HSPBAP1: variants seen among roughly 807,000 people sequenced by gnomAD.
The protein encoded by HSPBAP1 is HSPB1-associated protein 1.
Under a neutral mutation model 45.2 loss-of-function variants are expected in HSPBAP1, and 27 were observed. That is an observed-to-expected ratio of 0.60 (90% CI 0.44 to 0.82). The LOEUF (loss-of-function observed/expected upper bound fraction) is 0.82, where lower values mean the gene tolerates loss of function less well. HSPBAP1 is among the 40% of genes least tolerant of loss of function. The probability of loss-of-function intolerance (pLI) is 0.00; values close to 1 mark genes in which losing one functional copy is unlikely to be tolerated. For missense variants in HSPBAP1, 510 were observed against 590.9 expected, an observed-to-expected ratio of 0.86 and a Z score of 1.42; for synonymous variants, 204 against 202.7, an observed-to-expected ratio of 1.01 and a Z score of -0.06.
chr3:122,759,495 G>C, intron 3 of HSPBAP1, 135 bp from the exon 4 acceptor site: 1 of 967,234 alleles, frequency 1.0e-6, no homozygotes, highest in East Asian at 2.5e-5. Flanking sequence ...AGATGGAAGA[G>C]GTTAGGTTTC....
chr3:122,748,134 G>A (rs1933981933), intron 6 of HSPBAP1, among the ~76,000 whole-genome samples: 2 of 152,292 alleles, frequency 1.3e-5, no homozygotes, highest in South Asian at 4.1e-4. Context: ...GGGTTAAATG[G>A]ATTAAGGGTG....
At chr3:122,750,047 T>C (rs1934073144) in intron 6 of HSPBAP1, among the ~76,000 whole-genome samples, 1 of 151,376 alleles carries the variant, frequency 6.6e-6, no homozygotes, top group Admixed American at 6.6e-5. Context: ...TGATCTCGGC[T>C]CACTGCAACT....
intron 2 of HSPBAP1, among the ~76,000 whole-genome samples, chr3:122,777,021 A>G (rs1935211616): frequency 6.6e-6 from 1 of 152,194 alleles, no homozygotes; most frequent in Admixed American, 6.5e-5. Flanking sequence ...AAATGATTAT[A>G]GACTCTCTTA....
intron 1 of HSPBAP1, among the ~76,000 whole-genome samples, chr3:122,792,435 A>G (rs1226453088): frequency 6.6e-6 from 1 of 152,182 alleles, no homozygotes; most frequent in Non-Finnish European, 1.5e-5. Context: ...CAATGGAGGT[A>G]TAGATGAAGG....
intron 3 of HSPBAP1, among the ~76,000 whole-genome samples, chr3:122,763,461 TG>T (rs1303539554): frequency 9.5e-5 from 11 of 116,284 alleles, no homozygotes; most frequent in African/African-American, 2.9e-4. Flanking sequence ...AAGCTGTGTG[TG>T]TTTTTTTTTA....
intron 5 of HSPBAP1, chr3:122,754,624 C>T (rs1048098561): frequency 6.1e-6 from 6 of 984,434 alleles, no homozygotes; most frequent in Non-Finnish European, 6.0e-6. Flanking sequence ...GAGGGATAAT[C>T]GAGAGAATAA....
chr3:122,770,208 G>T (rs1176984604), intron 2 of HSPBAP1, among the ~76,000 whole-genome samples: 2 of 152,070 alleles, frequency 1.3e-5, no homozygotes, highest in African/African-American at 2.4e-5. Context: ...ATAGAGGCAG[G>T]GTGTATGTCA....
chr3:122,757,887 T>A (rs997783322), intron 4 of HSPBAP1, among the ~76,000 whole-genome samples: 1 of 152,188 alleles, frequency 6.6e-6, no homozygotes, highest in Non-Finnish European at 1.5e-5. Flanking sequence ...TCTTACCAAG[T>A]TTAAGGTTTC....
chr3:122,752,560 T>TAAA (rs56192340), intron 6 of HSPBAP1, 31 bp downstream of exon 6: 507 of 1,075,026 alleles, frequency 4.7e-4, no homozygotes, highest in East Asian at 2.4e-3. Flanking sequence ...TGCACTTACT[T>TAAA]AAAAAAAAAA....
Position 122,793,690 on chromosome 3 carries a change from A to C in HSPBAP1, c.-10T>G. The C allele has an allele frequency of 6.2e-7, 1 of 1,613,672 alleles. No homozygotes were observed. Among genetic ancestry groups the C allele is most frequent in the Non-Finnish European group, 8.5e-7 (1 of 1,179,940 alleles). On this transcript the variant is annotated 5_prime_UTR_variant, in exon 1 of 8. Transcript: ENST00000306103. ...CGGAGCCTGCTGCCATGGCTACCGC[A>C]AGGCGGGTTCTGCCGGAACCCAAGG...
intron 1 of HSPBAP1, among the ~76,000 whole-genome samples, chr3:122,787,461 C>T (rs1388280386): frequency 6.6e-6 from 1 of 152,038 alleles, no homozygotes; most frequent in East Asian, 1.9e-4. Context: ...CAGAATATAA[C>T]AAAAATCTTG....
At chr3:122,765,516 G>A (rs1046274977) in intron 3 of HSPBAP1, among the ~76,000 whole-genome samples, 4 of 151,340 alleles carry the variant, frequency 2.6e-5, no homozygotes, top group Non-Finnish European at 5.9e-5. Flanking sequence ...AGGAGGCAGA[G>A]GTTGCAGTGA....
In HSPBAP1 at chr3:122,755,429, T is replaced by C; in HGVS notation, c.572A>G (p.Lys191Arg). 6.9e-7 allele frequency: 1 copy of C among 1,442,576 alleles called. No homozygotes were observed. Among genetic ancestry groups the C allele is most frequent in the Admixed American group, 2.6e-5 (1 of 38,570 alleles). The allele number at this position is 1,442,576 out of a possible 1,614,324, so 89.4% of individuals were successfully genotyped here. Reference protein sequence around the residue: ...CNLVFQVQGRKRWHLFPPEDT... With the variant: ...CNLVFQVQGRRRWHLFPPEDT... ...TTCAGGAGGAAAGAGATGCCATCGT[T>C]TCCTAATTAAAAAAAAAAAAAAAAG... is the stretch of plus-strand genomic sequence containing the variant. The change falls in exon 5 of 8, where the codon AAA (lysine) becomes AGA (arginine). Residue 191 changes from lysine to arginine, a missense_variant and splice_region_variant. Coordinates refer to ENST00000306103, the MANE Select transcript of HSPBAP1 (RefSeq NM_024610.6).
intron 2 of HSPBAP1, among the ~76,000 whole-genome samples, chr3:122,771,749 T>A (rs779452650): frequency 4.6e-5 from 7 of 152,214 alleles, no homozygotes; most frequent in Non-Finnish European, 8.8e-5. Context: ...TATGTGATGT[T>A]CTCTATCTGC....
chr3:122,741,023 C>T lies in HSPBAP1; in HGVS notation c.916G>A (p.Ala306Thr), dbSNP rs772294654. 1.9e-6 allele frequency: 3 copies of T among 1,613,820 alleles called. No homozygotes were observed. The African/African-American group carries it at 4.0e-5, about 22-fold the overall frequency. ...CCTACCTCAGTGGGGTTTAACCAGGCTCTGGTATTTTGTGGATTCTCTGCA... is the reference window on the plus strand; with the variant it reads ...CCTACCTCAGTGGGGTTTAACCAGGTTCTGGTATTTTGTGGATTCTCTGCA... ...KTAENPQNTR[A>T]WLNPTEVEET... Residue 306 changes from alanine (A) to threonine (T), a missense_variant, in exon 7 of 8, where the codon GCC becomes ACC. Ala to Thr is a moderately conservative substitution (Grantham distance 58, BLOSUM62 0). Transcript: ENST00000306103.
chr3:122,780,505 G>T (rs1292029903), intron 1 of HSPBAP1, among the ~76,000 whole-genome samples: 1 of 131,988 alleles, frequency 7.6e-6, no homozygotes, highest in Non-Finnish European at 1.6e-5. Context: ...GCCGGGCGGG[G>T]GCTGACCCCC....
chr3:122,767,672 T>C (rs1204660986), intron 3 of HSPBAP1, among the ~76,000 whole-genome samples: 1 of 152,164 alleles, frequency 6.6e-6, no homozygotes, highest in African/African-American at 2.4e-5. Flanking sequence ...CACATTCCTA[T>C]ACTCCCAGCA....
chr3:122,761,853 G>C (rs1934603601), intron 3 of HSPBAP1: 1 of 151,822 alleles, frequency 6.6e-6, no homozygotes, highest in African/African-American at 2.4e-5. Context: ...TTGAGAGTTG[G>C]GATTCTCTTC....
intron 2 of HSPBAP1, among the ~76,000 whole-genome samples, chr3:122,776,724 TG>T (rs1935203222): frequency 1.3e-5 from 2 of 152,214 alleles, no homozygotes; most frequent in Admixed American, 6.5e-5. Context: ...GTTTGGTCTC[TG>T]ATTATAATGA....
Sources: allele counts gnomAD v4.1 joint callset (sites outside exome capture counted in the v4.1 genomes callset), GRCh38; gene constraint gnomAD v4.1.1; transcripts MANE v1.5; gene names NCBI Gene and HGNC (gene_info 2026-07-23, HGNC 2026-07-21).